Variants in NHSL1 observed in about 807,000 individuals in gnomAD.
The protein encoded by NHSL1 is NHS like 1.
A neutral mutation model predicts 95.0 loss-of-function variants in NHSL1; 48 were observed. The ratio of observed to expected loss-of-function variants is 0.51; its 90% CI spans 0.40 to 0.64. NHSL1 has a LOEUF of 0.64. NHSL1 is among the 30% of genes least tolerant of loss of function. The pLI, the probability that NHSL1 is intolerant of heterozygous loss-of-function variation, is 0.00. For synonymous variants in NHSL1, 783 were observed against 833.9 expected, an observed-to-expected ratio of 0.94 and a Z score of 1.05; for missense variants, 1,971 against 2,077.7, an observed-to-expected ratio of 0.95 and a Z score of 1.00.
rs1339447872 is a variant in NHSL1, at chr6:138,424,748, G to A, written c.4154C>T (p.Pro1385Leu). The A allele has an allele frequency of 5.2e-6, 8 of 1,551,238 alleles. No homozygotes were observed. The African/African-American group carries it at 8.2e-5, about 16-fold the overall frequency. Reference protein sequence around the residue: ...DDHSRNHSPSPPVTPTGAAPS... With the variant: ...DDHSRNHSPSLPVTPTGAAPS... ...GGCAGCGCCGGTGGGTGTCACGGGC[G>A]GGGAGGGAGAATGGTTTCGGGAGTG... The change falls in exon 8 of 8, where the codon CCG becomes CTG. Residue 1385 changes from proline to leucine, a missense_variant. Physicochemically the swap from Pro to Leu is moderately conservative, Grantham distance 98. This residue lies in a region of NHSL1 where 146 missense variants were observed against 206.3 expected (regional missense o/e 0.71). Transcript: ENST00000343505. This position sits in a 1 kb window ranked among gnomAD's most constrained non-coding sequence, Gnocchi z 5.9.
upstream of NHSL1, among the ~76,000 whole-genome samples, chr6:138,575,741 G>A (rs1308167783): frequency 1.3e-5 from 2 of 152,036 alleles, no homozygotes; most frequent in African/African-American, 2.4e-5. Context: ...AATTAGCTTA[G>A]AACATCCTAA....
At chr6:138,642,976 T>C (rs1166445121) in intron 1 of NHSL1, among the ~76,000 whole-genome samples, 3 of 152,084 alleles carry the variant, frequency 2.0e-5, no homozygotes, top group East Asian at 1.9e-4. Context: ...CAAACACAAG[T>C]GGTTATTTTC....
At chr6:138,646,538 G>A (rs1261333833) in intron 1 of NHSL1, among the ~76,000 whole-genome samples, 1 of 152,080 alleles carries the variant, frequency 6.6e-6, no homozygotes, top group African/African-American at 2.4e-5. Flanking sequence ...TCATGGAAAT[G>A]TGGTAGAATA....
At chr6:138,650,279 G>C in intron 1 of NHSL1, 1 of 668,678 alleles carries the variant, frequency 1.5e-6, no homozygotes, top group Admixed American at 1.9e-5. Context: ...TGGAGCCTTG[G>C]AAGAGCTGGC....
chr6:138,692,891 T>C (rs1022751878), upstream of NHSL1, among the ~76,000 whole-genome samples: 3 of 149,904 alleles, frequency 2.0e-5, no homozygotes, highest in Admixed American at 2.0e-4. The surrounding 1 kb of genome is among the most constrained non-coding windows in gnomAD (Gnocchi z 4.0). Context: ...TGGCGGCCCC[T>C]GCCCGCAGGG....
At chr6:138,518,301 T>C (rs1199866117) in intron 1 of NHSL1, among the ~76,000 whole-genome samples, 1 of 152,130 alleles carries the variant, frequency 6.6e-6, no homozygotes, top group Admixed American at 6.5e-5. Context: ...CATTTAACAG[T>C]GTCACCTGCT....
chr6:138,653,877 A>C (rs1243077080), intron 1 of NHSL1, among the ~76,000 whole-genome samples: 2 of 152,190 alleles, frequency 1.3e-5, no homozygotes, highest in East Asian at 3.8e-4. Flanking sequence ...CCAATATTTT[A>C]TATTCTATTT....
At chr6:138,527,043 C>A (rs906019702) in intron 1 of NHSL1, among the ~76,000 whole-genome samples, 1 of 152,146 alleles carries the variant, frequency 6.6e-6, no homozygotes, top group African/African-American at 2.4e-5. Flanking sequence ...CTAACATTAG[C>A]GTCTTTGTCT....
upstream of NHSL1, among the ~76,000 whole-genome samples, chr6:138,550,293 T>A (rs781163811): frequency 6.6e-6 from 1 of 152,144 alleles, no homozygotes; most frequent in Non-Finnish European, 1.5e-5. Flanking sequence ...CAACTGTATG[T>A]CTGAGAATAA....
chr6:138,471,316 T>C (rs1778736069), intron 3 of NHSL1, among the ~76,000 whole-genome samples: 1 of 152,234 alleles, frequency 6.6e-6, no homozygotes, highest in Admixed American at 6.5e-5. Flanking sequence ...TGGGCCCCAC[T>C]ATAAACTTCT....
chr6:138,646,104 G>T (rs1050772620), intron 1 of NHSL1, among the ~76,000 whole-genome samples: 1 of 152,088 alleles, frequency 6.6e-6, no homozygotes, highest in Admixed American at 6.6e-5. Flanking sequence ...CTAATTATAG[G>T]AATACAATAG....
chr6:138,664,195 C>T (rs1785265383), intron 1 of NHSL1, among the ~76,000 whole-genome samples: 2 of 152,200 alleles, frequency 1.3e-5, no homozygotes, highest in Admixed American at 6.5e-5. Flanking sequence ...CCTCTCCTGG[C>T]TTTTTGGTCA....
At chr6:138,544,983 C>CTTTTTTTTTTTTT (rs35979187) in intron 1 of NHSL1, among the ~76,000 whole-genome samples, 3 of 83,392 alleles carry the variant, frequency 3.6e-5, no homozygotes, top group Admixed American at 1.6e-4. Flanking sequence ...TCTTTCTTTT[C>CTTTTTTTTTTTTT]TTTTTTTTTT....
intron 7 of NHSL1, among the ~76,000 whole-genome samples, chr6:138,427,525 A>T (rs569590674): frequency 6.6e-6 from 1 of 152,320 alleles, no homozygotes; most frequent in South Asian, 2.1e-4. Context: ...CCACTAAAAT[A>T]ATTAAATCTA....
chr6:138,531,793 G>A (rs1440377572), intron 1 of NHSL1, among the ~76,000 whole-genome samples: 2 of 152,194 alleles, frequency 1.3e-5, no homozygotes, highest in Admixed American at 6.5e-5. Flanking sequence ...GATTACAAGT[G>A]TGAGCCACAA....
chr6:138,432,489 G>A lies in NHSL1; in HGVS notation c.1856C>T (p.Ser619Phe), dbSNP rs541319374. The change falls in exon 6 of 8, where the codon TCT becomes TTT. Residue 619 changes from serine to phenylalanine, a missense_variant. Ser to Phe is a radical substitution (Grantham distance 155). Coordinates refer to ENST00000343505, the MANE Select transcript of NHSL1 (RefSeq NM_001144060.2). This position sits in a 1 kb window ranked among gnomAD's most constrained non-coding sequence, Gnocchi z 4.4. ...ATCACTGCTATTGCACAGATTCCCA[G>A]ATCCATGTCCAGAGTCAGTGTGCAC... ...ASVHTDSGHG[S>F]GNLCNSSDGF... 6.4e-7 allele frequency: 1 copy of A among 1,552,216 alleles called. No homozygotes were observed. Among genetic ancestry groups the A allele is most frequent in the East Asian group, 2.4e-5 (1 of 40,922 alleles).
At chr6:138,644,937 T>C (rs1380026000) in intron 1 of NHSL1, among the ~76,000 whole-genome samples, 2 of 152,240 alleles carry the variant, frequency 1.3e-5, no homozygotes, top group Non-Finnish European at 2.9e-5. Context: ...TTATATGGTC[T>C]CTGACCTTGA....
chr6:138,547,820 A>G (rs1646643423), upstream of NHSL1, among the ~76,000 whole-genome samples: 1 of 151,652 alleles, frequency 6.6e-6, no homozygotes, highest in African/African-American at 2.4e-5. Flanking sequence ...TCACCACGGG[A>G]CTCTCTCCAT....
At chr6:138,446,747 T>A in intron 4 of NHSL1, 1 of 484,528 alleles carries the variant, frequency 2.1e-6, no homozygotes, top group Non-Finnish European at 3.7e-6. Context: ...GAGACACTCT[T>A]AAGATGAATG....
Sources: gnomAD v4.1 joint callset for allele counts (sites outside exome capture counted in the v4.1 genomes callset) on GRCh38, gnomAD v4.1.1 for gene constraint, gnomAD v4.1.1 regional missense constraint, Gnocchi (gnomAD v3.1) non-coding constraint, MANE v1.5 for transcripts, NCBI Gene and HGNC (gene_info 2026-07-23, HGNC 2026-07-21) for gene names.